SMOC2: variants seen among roughly 807,000 people sequenced by gnomAD.
The protein encoded by SMOC2 is SPARC related modular calcium binding 2, also known as SPARC-related modular calcium-binding protein 2.
SMOC2 carries 39 observed loss-of-function variants against 61.4 expected under a neutral mutation model. The observed-to-expected ratio is 0.64, with a 90% CI of 0.49 to 0.83. The LOEUF is 0.83. Among genes scored for constraint, SMOC2 ranks in the 40% least tolerant of loss-of-function variants. SMOC2 has a pLI of 0.00. For missense variants in SMOC2, 556 were observed against 592.9 expected (o/e 0.94, Z 0.65); for synonymous variants, 247 against 239.9 (o/e 1.03, Z -0.27).
At chr6:168,591,712 T>C (rs1456592794) in intron 7 of SMOC2, among the ~76,000 whole-genome samples, 1 of 150,788 alleles carries the variant, frequency 6.6e-6, no homozygotes, top group Non-Finnish European at 1.5e-5. Flanking sequence ...AATGCCTTCA[T>C]ATCGGAATTG....
intron 1 of SMOC2, among the ~76,000 whole-genome samples, chr6:168,482,967 A>G (rs1286588398): frequency 1.3e-5 from 2 of 152,070 alleles, no homozygotes; most frequent in Admixed American, 6.5e-5. Context: ...GTGAAAGACC[A>G]CAAGTTTTTT....
chr6:168,498,596 C>T (rs1782647944), intron 1 of SMOC2, among the ~76,000 whole-genome samples: 1 of 152,262 alleles, frequency 6.6e-6, no homozygotes, highest in Non-Finnish European at 1.5e-5. Flanking sequence ...GATCGCCCTT[C>T]CTGCTGCAGG....
chr6:168,526,314 T>G (rs1178766839), intron 2 of SMOC2, 32 bp from the exon 3 acceptor site: 1 of 1,581,336 alleles, frequency 6.3e-7, no homozygotes, highest in Non-Finnish European at 8.7e-7. Context: ...TCCCATTGCA[T>G]AACCACACCT....
chr6:168,626,950 A>G lies in SMOC2; in HGVS notation c.907+18711A>G, dbSNP rs142356435. ...GACCTGCCGGGAGAGTCATTCTTCT[A>G]CCTGCTGTGTTTGATTATAGGAGTC... On this transcript the variant is annotated intron_variant, in intron 9 of 12. Transcript: ENST00000356284. 3.7e-3 allele frequency among the ~76,000 whole-genome samples: 562 copies of G among 152,236 alleles called. 3 individuals are homozygous for G. The highest frequency in any genetic ancestry group is 0.013 in the African/African-American group (522 of 41,540).
At chr6:168,518,940 T>C (rs1468600739) in intron 2 of SMOC2, among the ~76,000 whole-genome samples, 1 of 151,356 alleles carries the variant, frequency 6.6e-6, no homozygotes, top group Non-Finnish European at 1.5e-5. Context: ...TGCATATGCT[T>C]GCATGTGTGT....
chr6:168,633,022 A>G (rs1786609991), intron 9 of SMOC2, among the ~76,000 whole-genome samples: 1 of 152,178 alleles, frequency 6.6e-6, no homozygotes, highest in Non-Finnish European at 1.5e-5. Flanking sequence ...TCCAGCTTCA[A>G]GCCACAGGAG....
rs533836836 is a variant in SMOC2, at chr6:168,537,079, G to C, written c.464-6546G>C. ...TCGGCCGGCCAGTGCCGGGATTCTG[G>C]CTCATGCCAAGGAGACCCTGACTGG... On this transcript the variant is annotated intron_variant, in intron 4 of 12. Transcript: ENST00000356284. 7.9e-5 allele frequency among the ~76,000 whole-genome samples: 12 copies of C among 152,370 alleles called. No homozygotes were observed. The South Asian group carries it at 2.5e-3, about 32-fold the overall frequency.
Position 168,544,678 on chromosome 6 carries a change from C to T in SMOC2, c.511+1006C>T, listed in dbSNP as rs1189494483. Among the ~76,000 whole-genome samples, 2 of 152,108 alleles carry T rather than the reference C, an allele frequency of 1.3e-5. No homozygotes were observed. Among genetic ancestry groups the T allele is most frequent in the Non-Finnish European group, 2.9e-5 (2 of 68,004 alleles). On this transcript the variant is annotated intron_variant, in intron 5 of 12. Coordinates refer to ENST00000356284, the MANE Select transcript of SMOC2 (RefSeq NM_001166412.2). This position sits in a 1 kb window ranked among gnomAD's most constrained non-coding sequence, Gnocchi z 4.1. ...ACAGAGTGAGATTCTGTCTCAAAAA[C>T]AAAAACAAAATAATAAAAATAAAAA...
rs768349312 is a variant in SMOC2 at position 168,653,023 on chromosome 6, T to C, written c.1080T>C (p.Asp360=). ...RVVHWYFKLL[D]KNSSGDIGKK... ...TGCACTGGTACTTCAAACTACTGGA[T>C]AAAAACTCCAGTGGAGACATCGGCA... is the stretch of plus-strand genomic sequence containing the variant. The change falls in exon 11 of 13, where the codon GAT becomes GAC. Residue 360 remains aspartate, a synonymous_variant. Coordinates refer to ENST00000356284, the MANE Select transcript of SMOC2 (RefSeq NM_001166412.2). 6.2e-7 allele frequency: 1 copy of C among 1,613,870 alleles called. No homozygotes were observed. The highest frequency in any genetic ancestry group is 1.3e-5 in the African/African-American group (1 of 74,884).
chr6:168,504,284 G>A (rs1583063050), intron 1 of SMOC2, among the ~76,000 whole-genome samples: 5 of 151,442 alleles, frequency 3.3e-5, no homozygotes, highest in South Asian at 4.2e-4. Flanking sequence ...CATTTATTGC[G>A]CACTTTATTT....
rs1302407103 is a variant in SMOC2, at chr6:168,653,364, G to T, written c.1285+136G>T. On this transcript the variant is annotated intron_variant, in intron 11 of 12. Transcript: ENST00000356284. ...AAATCAAATATGCTGTTTAATTGTT[G>T]GGCGTCTGTTTGCAGAAATAATAAT... 7 of 1,052,232 alleles carry T rather than the reference G, an allele frequency of 6.7e-6. No homozygotes were observed. The African/African-American group carries it at 8.1e-5, about 12-fold the overall frequency. 65.2% of individuals were successfully genotyped at this position (1,052,232 alleles called of 1,614,324 possible).
chr6:168,441,504 A>G, intron 1 of SMOC2, 50 bp downstream of exon 1: 1 of 1,449,682 alleles, frequency 6.9e-7, no homozygotes, highest in Non-Finnish European at 9.1e-7. Flanking sequence ...CGCCTCTTGC[A>G]GCCGGCCGGG....
intron 9 of SMOC2, among the ~76,000 whole-genome samples, chr6:168,648,854 T>C (rs1398742767): frequency 2.0e-5 from 3 of 152,228 alleles, no homozygotes; most frequent in Middle Eastern, 3.4e-3. Flanking sequence ...AACTCCAGTG[T>C]CAAAAAGAAA....
chr6:168,538,991 G>A (rs571669396), intron 4 of SMOC2, among the ~76,000 whole-genome samples: 7 of 152,166 alleles, frequency 4.6e-5, no homozygotes, highest in Non-Finnish European at 1.0e-4. Context: ...AGGGACGCCG[G>A]CAGTCAACTC....
intron 1 of SMOC2, among the ~76,000 whole-genome samples, chr6:168,461,005 A>G (rs1781709655): frequency 6.6e-6 from 1 of 152,176 alleles, no homozygotes; most frequent in South Asian, 2.1e-4. Flanking sequence ...TTTAGGCAGT[A>G]TTTTGGTTGA....
At chr6:168,451,626 T>C (rs1011380505) in intron 1 of SMOC2, among the ~76,000 whole-genome samples, 28 of 150,256 alleles carry the variant, frequency 1.9e-4, no homozygotes, top group African/African-American at 4.9e-4. Flanking sequence ...TCTCTCTCTC[T>C]CTCCCTCCCT....
intron 7 of SMOC2, among the ~76,000 whole-genome samples, chr6:168,552,119 A>G: frequency 6.6e-6 from 1 of 152,224 alleles, no homozygotes; most frequent in East Asian, 1.9e-4. Flanking sequence ...CCAGTTTTCT[A>G]GCTACATGTT....
At chr6:168,510,175 A>G (rs575747430) in intron 2 of SMOC2, 89 bp downstream of exon 2, 9 of 1,333,244 alleles carry the variant, frequency 6.8e-6, no homozygotes. Flanking sequence ...ATAACTTTTT[A>G]CATTTACAAA....
At chr6:168,454,938 G>T (rs1333418939) in intron 1 of SMOC2, among the ~76,000 whole-genome samples, 1 of 152,034 alleles carries the variant, frequency 6.6e-6, no homozygotes, top group Non-Finnish European at 1.5e-5. Context: ...TAATAGTGTG[G>T]GGCCGAGGGT....
Sources: allele counts gnomAD v4.1 joint callset (sites outside exome capture counted in the v4.1 genomes callset), GRCh38; gene constraint gnomAD v4.1.1; non-coding constraint Gnocchi (gnomAD v3.1); transcripts MANE v1.5; gene names NCBI Gene and HGNC (gene_info 2026-07-23, HGNC 2026-07-21).